COLEC10: variants seen among roughly 807,000 people sequenced by gnomAD.
The protein encoded by COLEC10 is collectin subfamily member 10.
A neutral mutation model predicts 28.4 loss-of-function variants in COLEC10; 22 were observed. That is an observed-to-expected ratio of 0.78 (90% confidence interval 0.55 to 1.11). The LOEUF is 1.11. COLEC10 is among the 50% of genes least tolerant of loss of function. The pLI, the probability that COLEC10 is intolerant of heterozygous loss-of-function variation, is 0.00. For synonymous variants in COLEC10, 125 were observed against 116.1 expected, an observed-to-expected ratio of 1.08 and a Z score of -0.49; for missense variants, 361 against 344.1, an observed-to-expected ratio of 1.05 and a Z score of -0.39.
the COLEC10 span, among the ~76,000 whole-genome samples, chr8:118,988,198 T>A: frequency 6.6e-6 from 1 of 152,088 alleles, no homozygotes; most frequent in Non-Finnish European, 1.5e-5. Context: ...ATCTTAGGGG[T>A]TTCCTAAAAG....
chr8:119,072,410 T>C (rs1272108915), intron 1 of COLEC10, among the ~76,000 whole-genome samples: 1 of 152,170 alleles, frequency 6.6e-6, no homozygotes, highest in Non-Finnish European at 1.5e-5. Context: ...ATTATCTCAG[T>C]GAACTTTGAG....
At chr8:119,067,569 G>T (rs1402286777) in intron 1 of COLEC10, 140 bp downstream of exon 1, 2 of 755,850 alleles carry the variant, frequency 2.6e-6, no homozygotes, top group Non-Finnish European at 4.2e-6. Context: ...TGGAAAATCA[G>T]GATTTTCCAG....
rs16891999 is a variant in COLEC10, at chr8:119,097,848, A to G, written c.293-4500A>G. Among the ~76,000 whole-genome samples the G allele has an allele frequency of 9.7e-3, 1,484 of 152,220 alleles. 23 individuals carry two copies. The highest frequency in any genetic ancestry group is 0.032 in the African/African-American group (1,323 of 41,566). On this transcript the variant is annotated intron_variant, in intron 3 of 5. Coordinates refer to ENST00000332843, the MANE Select transcript of COLEC10 (RefSeq NM_006438.5). Reference sequence around the variant, plus strand: ...AGAGGGTAAGTCGCTGCCATGAATAAGTCCAGAATTGAAGAACTTTTTTTT... The same window carrying G: ...AGAGGGTAAGTCGCTGCCATGAATAGGTCCAGAATTGAAGAACTTTTTTTT...
intron 2 of COLEC10, among the ~76,000 whole-genome samples, chr8:119,029,315 C>G (rs541075236): frequency 9.2e-5 from 14 of 152,262 alleles, no homozygotes; most frequent in Non-Finnish European, 1.9e-4. Flanking sequence ...AAAGCTGAAG[C>G]CAGCACAATC....
chr8:118,993,357 A>ATTTTG (rs1221790811), upstream of COLEC10, among the ~76,000 whole-genome samples: 1 of 150,938 alleles, frequency 6.6e-6, no homozygotes, highest in Non-Finnish European at 1.5e-5. Context: ...TTTATGTTTC[A>ATTTTG]TTTTGTTTTG....
chr8:118,964,334 A>G, the COLEC10 span, among the ~76,000 whole-genome samples: 1 of 152,164 alleles, frequency 6.6e-6, no homozygotes, highest in Non-Finnish European at 1.5e-5. Flanking sequence ...ATCCCTTCTC[A>G]TAGAATATAG....
At chr8:119,090,991 A>G (rs1815580565) in intron 2 of COLEC10, among the ~76,000 whole-genome samples, 158 bp from the exon 3 acceptor site, 1 of 152,218 alleles carries the variant, frequency 6.6e-6, no homozygotes, top group Non-Finnish European at 1.5e-5. Flanking sequence ...CATACATTAT[A>G]AGTCTGTTAA....
intron 1 of COLEC10, among the ~76,000 whole-genome samples, chr8:118,999,008 T>C (rs1586989644): frequency 6.6e-6 from 1 of 152,212 alleles, no homozygotes; most frequent in Non-Finnish European, 1.5e-5. Context: ...ATGTATATTA[T>C]CACCTAATTT....
the COLEC10 span, among the ~76,000 whole-genome samples, chr8:118,982,027 T>C: frequency 6.6e-6 from 1 of 152,084 alleles, no homozygotes; most frequent in Non-Finnish European, 1.5e-5. Flanking sequence ...AAAGATAGTT[T>C]TATTGTTAAT....
At chr8:119,043,933 T>C (rs1416872303) in intron 2 of COLEC10, among the ~76,000 whole-genome samples, 1 of 152,160 alleles carries the variant, frequency 6.6e-6, no homozygotes, top group African/African-American at 2.4e-5. Flanking sequence ...TTTACCTCTC[T>C]ACTATATCAT....
At chr8:119,011,540 C>T (rs1813900887) in intron 2 of COLEC10, among the ~76,000 whole-genome samples, 1 of 150,710 alleles carries the variant, frequency 6.6e-6, no homozygotes, top group South Asian at 2.1e-4. Flanking sequence ...GAGATTGGAT[C>T]AAATCCATAG....
intron 2 of COLEC10, among the ~76,000 whole-genome samples, chr8:119,051,193 GAATA>G (rs772352513): frequency 4.6e-5 from 7 of 152,016 alleles, no homozygotes; most frequent in Non-Finnish European, 8.8e-5. Context: ...TTTCAAAATT[GAATA>G]AATAAAAGCA....
chr8:119,019,784 C>A lies in COLEC10; in HGVS notation n.235+10231C>A, dbSNP rs544912937. Among the ~76,000 whole-genome samples, 7 of 152,306 alleles carry A rather than the reference C, an allele frequency of 4.6e-5. No individual in the cohort carries two copies. In the South Asian group the frequency reaches 1.4e-3, roughly 32 times the overall value. On this transcript the variant is annotated intron_variant and non_coding_transcript_variant, in intron 2 of 6. Coordinates refer to the COLEC10 transcript ENST00000521788. Reference sequence around the variant, plus strand: ...GCCGTCTCATATGATGATGTACACCCAGTATCAAGCACAGCATCTAGCATT... The same window carrying A: ...GCCGTCTCATATGATGATGTACACCAAGTATCAAGCACAGCATCTAGCATT...
chr8:118,999,703 G>A (rs1310074123), intron 1 of COLEC10, among the ~76,000 whole-genome samples: 4 of 152,108 alleles, frequency 2.6e-5, no homozygotes, highest in Non-Finnish European at 5.9e-5. Context: ...AGTTATTTAA[G>A]AGAAGGAAGT....
chr8:119,094,091 T>C (rs1420944493), intron 3 of COLEC10, among the ~76,000 whole-genome samples: 1 of 152,186 alleles, frequency 6.6e-6, no homozygotes. Context: ...AGAATACTCC[T>C]ACCACTTACT....
At chr8:118,966,150 A>G in the COLEC10 span, among the ~76,000 whole-genome samples, 1 of 152,262 alleles carries the variant, frequency 6.6e-6, no homozygotes, top group East Asian at 1.9e-4. Context: ...GAAACAATAG[A>G]GTTTAAAATG....
chr8:119,059,082 A>G (rs1814810210), intron 2 of COLEC10, among the ~76,000 whole-genome samples: 1 of 151,992 alleles, frequency 6.6e-6, no homozygotes, highest in Non-Finnish European at 1.5e-5. Flanking sequence ...CCCATTTTTA[A>G]TTTGATTGTA....
chr8:119,072,587 C>T (rs1235661052), intron 1 of COLEC10, among the ~76,000 whole-genome samples: 4 of 152,122 alleles, frequency 2.6e-5, no homozygotes, highest in Non-Finnish European at 5.9e-5. Context: ...CCCTATGTTC[C>T]AATCAACCTG....
the COLEC10 span, among the ~76,000 whole-genome samples, chr8:118,963,675 G>A: frequency 6.6e-6 from 1 of 152,182 alleles, no homozygotes; most frequent in African/African-American, 2.4e-5. Context: ...GAGCATGCTT[G>A]AACTGATAGC....
Sources: gnomAD v4.1 joint callset for allele counts (sites outside exome capture counted in the v4.1 genomes callset) on GRCh38, gnomAD v4.1.1 for gene constraint, MANE v1.5 for transcripts, NCBI Gene and HGNC (gene_info 2026-07-23, HGNC 2026-07-21) for gene names.